Variants in IQCM observed in about 807,000 individuals in gnomAD.
IQCM encodes IQ motif containing M, also known as IQ domain-containing protein M.
In IQCM, 45 loss-of-function variants were observed where a neutral mutation model predicts 57.6. That is an observed-to-expected ratio of 0.78 (90% CI 0.62 to 1.00). The LOEUF is 1.00. IQCM is among the 50% of genes least tolerant of loss of function. IQCM has a pLI of 0.00. For missense variants in IQCM, 468 were observed against 511.6 expected (o/e 0.91, Z 0.82); for synonymous variants, 148 against 158.9 (o/e 0.93, Z 0.51).
intron 12 of IQCM, among the ~76,000 whole-genome samples, chr4:149,521,373 A>T (rs1429652743): frequency 1.3e-5 from 2 of 152,100 alleles, no homozygotes; most frequent in Non-Finnish European, 2.9e-5. Flanking sequence ...CATTTAAAAA[A>T]TGTTCTCCTC....
intron 2 of IQCM, among the ~76,000 whole-genome samples, chr4:149,773,811 G>A (rs1770818217): frequency 6.6e-6 from 1 of 152,102 alleles, no homozygotes; most frequent in Non-Finnish European, 1.5e-5. Context: ...TGGTGAACTG[G>A]TATCATGCAT....
At chr4:149,674,794 T>C (rs1173361734) in intron 7 of IQCM, among the ~76,000 whole-genome samples, 3 of 152,056 alleles carry the variant, frequency 2.0e-5, no homozygotes, top group African/African-American at 7.2e-5. Context: ...GATAAACTTG[T>C]GGAATCATCA....
chr4:149,658,666 T>C (rs1759861100), intron 7 of IQCM, among the ~76,000 whole-genome samples: 1 of 152,152 alleles, frequency 6.6e-6, no homozygotes, highest in African/African-American at 2.4e-5. Flanking sequence ...AATAAGTGTT[T>C]TGAAGTCTTC....
chr4:149,684,591 T>G (rs1463184321), intron 6 of IQCM, among the ~76,000 whole-genome samples: 1 of 151,412 alleles, frequency 6.6e-6, no homozygotes, highest in Non-Finnish European at 1.5e-5. Context: ...TCATATCTAA[T>G]TTCCCAACTG....
chr4:149,444,147 C>G (rs1418276626), intron 12 of IQCM, among the ~76,000 whole-genome samples: 1 of 151,846 alleles, frequency 6.6e-6, no homozygotes, highest in Non-Finnish European at 1.5e-5. Context: ...AGAAAGGCTA[C>G]ATATATTTAT....
At chr4:149,358,071 T>G (rs1259065178) in intron 13 of IQCM, among the ~76,000 whole-genome samples, 1 of 152,226 alleles carries the variant, frequency 6.6e-6, no homozygotes, top group African/African-American at 2.4e-5. Flanking sequence ...AGTTTGTATT[T>G]CTGTGGGATC....
At chr4:149,737,094 A>G (rs968460204) in intron 3 of IQCM, among the ~76,000 whole-genome samples, 2 of 152,224 alleles carry the variant, frequency 1.3e-5, no homozygotes, top group Admixed American at 1.3e-4. Context: ...AGCACATGCT[A>G]TATGGTTCCA....
At chr4:149,783,474 TC>T (rs2150013815) in intron 2 of IQCM, among the ~76,000 whole-genome samples, 1 of 152,316 alleles carries the variant, frequency 6.6e-6, no homozygotes, top group East Asian at 1.9e-4. Flanking sequence ...CGTCTTGACC[TC>T]CCTACAGGAT....
At chr4:149,742,823 G>T (rs1375032329) in intron 2 of IQCM, 84 bp from the exon 3 acceptor site, 2 of 571,344 alleles carry the variant, frequency 3.5e-6, no homozygotes, top group Non-Finnish European at 5.2e-6. Context: ...AGGTAAATAG[G>T]GTGAATGATT....
intron 2 of IQCM, among the ~76,000 whole-genome samples, chr4:149,774,704 C>T (rs1274599543): frequency 2.0e-5 from 3 of 150,122 alleles, no homozygotes; most frequent in East Asian, 2.0e-4. Flanking sequence ...TGTCTCTGTA[C>T]GAGGGAGCTT....
intron 12 of IQCM, among the ~76,000 whole-genome samples, chr4:149,467,431 T>C (rs1444200543): frequency 2.0e-5 from 3 of 152,172 alleles, no homozygotes; most frequent in African/African-American, 4.8e-5. Context: ...TAGGGATGCA[T>C]CCATGTACAA....
chr4:149,448,513 A>C (rs2111383861), intron 12 of IQCM, among the ~76,000 whole-genome samples: 1 of 151,696 alleles, frequency 6.6e-6, no homozygotes, highest in African/African-American at 2.4e-5. Flanking sequence ...AGAGGAGAAA[A>C]CGGTGAAATA....
intron 5 of IQCM, among the ~76,000 whole-genome samples, chr4:149,721,057 C>T (rs975444461): frequency 2.0e-5 from 3 of 152,032 alleles, no homozygotes; most frequent in Admixed American, 6.6e-5. Flanking sequence ...TATGTATAAT[C>T]GGTCATCTGT....
intron 8 of IQCM, among the ~76,000 whole-genome samples, chr4:149,614,783 A>T (rs1503745): frequency 0.44 from 66,136 of 151,996 alleles, 14,785 homozygotes; most frequent in South Asian, 0.58. Flanking sequence ...CAAATTTGTA[A>T]TGGACCTCAT....
chr4:149,592,592 T>C (rs1753308199), intron 8 of IQCM, among the ~76,000 whole-genome samples: 1 of 151,916 alleles, frequency 6.6e-6, no homozygotes, highest in South Asian at 2.1e-4. Flanking sequence ...TGGTTTTAGG[T>C]CTAACATTTA....
intron 12 of IQCM, among the ~76,000 whole-genome samples, chr4:149,521,941 G>A (rs1489291103): frequency 6.6e-6 from 1 of 152,134 alleles, no homozygotes; most frequent in Non-Finnish European, 1.5e-5. Flanking sequence ...GAATGCTGAG[G>A]GGAGGTTCCT....
At chr4:149,766,792 A>G (rs1454733356) in intron 2 of IQCM, among the ~76,000 whole-genome samples, 1 of 152,146 alleles carries the variant, frequency 6.6e-6, no homozygotes, top group African/African-American at 2.4e-5. Flanking sequence ...AGGGTTGACG[A>G]AAATAGAAAA....
rs543086288 is a variant in IQCM at position 149,769,602 on chromosome 4, C to T, written c.-48-26863G>A. Among the ~76,000 whole-genome samples the T allele has an allele frequency of 8.0e-5, 12 of 150,288 alleles. No homozygotes were observed. In the South Asian group the frequency reaches 1.1e-3, roughly 13 times the overall value. ...GTAAAAGGATAGAAAAGGTAGACCA[C>T]GCCACAGTAATCAAAATAAAAAAAT... On this transcript the variant is annotated intron_variant, in intron 2 of 13. Transcript: ENST00000636793.
At chr4:149,396,852 T>A (rs1489299285) in intron 13 of IQCM, among the ~76,000 whole-genome samples, 1 of 152,046 alleles carries the variant, frequency 6.6e-6, no homozygotes, top group Admixed American at 6.6e-5. Context: ...CAGCATAATA[T>A]CTTCAAGGTC....
Sources: gnomAD v4.1 joint callset for allele counts (sites outside exome capture counted in the v4.1 genomes callset) on GRCh38, gnomAD v4.1.1 for gene constraint, MANE v1.5 for transcripts, NCBI Gene and HGNC (gene_info 2026-07-23, HGNC 2026-07-21) for gene names.